The following TIGAR variants were observed in gnomAD, a reference collection of about 807,000 sequenced individuals.
The protein encoded by TIGAR is fructose-2,6-bisphosphatase TIGAR.
A neutral mutation model predicts 17.9 loss-of-function variants in TIGAR; 7 were observed. That is an observed-to-expected ratio of 0.39 (90% CI 0.22 to 0.73). The LOEUF is 0.73. Ranked by LOEUF, TIGAR falls within the 30% of genes least tolerant of loss-of-function variation. The pLI is 0.42. For synonymous variants in TIGAR, 94 were observed against 108.6 expected (o/e 0.87, Z 0.84); for missense variants, 258 against 327.4 (o/e 0.79, Z 1.64).
At chr12:4,346,661 G>A (rs1158930096) in intron 3 of TIGAR, among the ~76,000 whole-genome samples, 1 of 151,994 alleles carries the variant, frequency 6.6e-6, no homozygotes. Context: ...TGTAAATGGC[G>A]AGTTAATGGA....
At chr12:4,340,841 A>G (rs1864711835) in intron 3 of TIGAR, among the ~76,000 whole-genome samples, 1 of 152,250 alleles carries the variant, frequency 6.6e-6, no homozygotes, top group African/African-American at 2.4e-5. Context: ...ATCCATATAC[A>G]GAAGAATGAA....
In TIGAR at chr12:4,359,358, T is replaced by A. The variant is rs1402194587; in HGVS notation, c.*6667T>A. ...TCTGGTGACATAATCTCATCCTTCT[T>A]TAAGTACTTTCTTTCTGGTATTAAC... is the stretch of plus-strand genomic sequence containing the variant. On this transcript the variant is annotated 3_prime_UTR_variant, in exon 6 of 6. Transcript: ENST00000179259. Among the ~76,000 whole-genome samples, 1 of 152,142 alleles carries A rather than the reference T, an allele frequency of 6.6e-6. No individual in the cohort carries two copies. Among genetic ancestry groups the A allele is most frequent in the Non-Finnish European group, 1.5e-5 (1 of 68,020 alleles).
At chr12:4,325,524 T>C (rs533970730) in intron 1 of TIGAR, among the ~76,000 whole-genome samples, 3 of 151,860 alleles carry the variant, frequency 2.0e-5, no homozygotes, top group Non-Finnish European at 4.4e-5. Context: ...GTGGATCACC[T>C]GAGGCCGGGA....
Position 4,352,767 on chromosome 12 carries a change from C to G in TIGAR, c.*76C>G, listed in dbSNP as rs1864851533. 1 of 1,408,744 alleles carries G rather than the reference C, an allele frequency of 7.1e-7. No individual in the cohort carries two copies. The highest frequency in any genetic ancestry group is 2.3e-5 in the Admixed American group (1 of 42,592). 87.3% of individuals were successfully genotyped at this position (1,408,744 alleles called of 1,614,324 possible). On this transcript the variant is annotated 3_prime_UTR_variant, in exon 6 of 6. Coordinates refer to ENST00000179259, the MANE Select transcript of TIGAR (RefSeq NM_020375.3). ...CATTGGCTTTATTTACTTCTCTCCT[C>G]TGCTAGTTCTGATTTGGAAACAGTT...
At position 4,338,242 on chromosome 12, in the gene TIGAR, A is replaced by G. The variant is rs549334729; in HGVS notation, c.192+1082A>G. 4.6e-5 allele frequency among the ~76,000 whole-genome samples: 7 copies of G among 152,352 alleles called. No individual in the cohort carries two copies. The East Asian group carries it at 1.3e-3, about 29-fold the overall frequency. ...GTATTGTTGGAATTTCATCTCCCCT[A>G]TAAACAATTAGAAAATGTGGCAAAA... On this transcript the variant is annotated intron_variant, in intron 3 of 5. Transcript: ENST00000179259.
intron 2 of TIGAR, among the ~76,000 whole-genome samples, chr12:4,334,575 A>G (rs1864638514): frequency 6.6e-6 from 1 of 152,184 alleles, no homozygotes. Flanking sequence ...TAATTGCTTG[A>G]GGTAGACATT....
intron 1 of TIGAR, among the ~76,000 whole-genome samples, chr12:4,326,933 G>A (rs185107481): frequency 1.3e-4 from 20 of 152,234 alleles, no homozygotes; most frequent in African/African-American, 4.6e-4. Context: ...TTCAAAATGA[G>A]GGTGCTTCTT....
chr12:4,351,517 C>A lies in TIGAR; in HGVS notation c.381+140C>A, dbSNP rs543504307. Reference sequence around the variant, plus strand: ...TTATCTATTTACTTAGCAAATTATTCTTTTCTATTTAAAATCTTATTTACT... The same window carrying A: ...TTATCTATTTACTTAGCAAATTATTATTTTCTATTTAAAATCTTATTTACT... On this transcript the variant is annotated intron_variant, in intron 5 of 5. Coordinates refer to ENST00000179259, the MANE Select transcript of TIGAR (RefSeq NM_020375.3). The A allele has an allele frequency of 1.2e-5, 8 of 659,630 alleles. No homozygotes were observed. The East Asian group carries it at 2.0e-4, about 16-fold the overall frequency. 40.9% of individuals were successfully genotyped at this position (659,630 alleles called of 1,614,324 possible).
rs1185138253 is a variant in TIGAR at position 4,350,787 on chromosome 12, AAAAG to A, written c.271-476_271-473del. On this transcript the variant is annotated intron_variant, in intron 4 of 5. Coordinates refer to ENST00000179259, the MANE Select transcript of TIGAR (RefSeq NM_020375.3). ...GCGAGATTCCGTCTCAAAAAAAAAA[AAAAG>A]AAAAAAAAAGAAATAGATCTCTCAT... 2.0e-5 allele frequency among the ~76,000 whole-genome samples: 3 copies of A among 151,980 alleles called. No individual in the cohort carries two copies. The East Asian group carries it at 5.8e-4, about 29-fold the overall frequency.
chr12:4,334,532 G>T (rs541922519), intron 2 of TIGAR, among the ~76,000 whole-genome samples: 18 of 152,138 alleles, frequency 1.2e-4, no homozygotes, highest in Non-Finnish European at 2.6e-4. Flanking sequence ...AAAATACAAA[G>T]AACTTGTCTA....
rs760327388 is a variant in TIGAR, at chr12:4,351,407, T to A, written c.381+30T>A. On this transcript the variant is annotated intron_variant, in intron 5 of 5. Coordinates refer to ENST00000179259, the MANE Select transcript of TIGAR (RefSeq NM_020375.3). ...GTGGCGCTGCCGATGTCAGAATGGT[T>A]GAATTAAGACTCAAAATTAGATGTT... is the stretch of plus-strand genomic sequence containing the variant. The A allele has an allele frequency of 3.2e-6, 5 of 1,575,516 alleles. No homozygotes were observed. In the African/African-American group the frequency reaches 6.8e-5, roughly 21 times the overall value.
chr12:4,346,896 A>G (rs1397311235), intron 3 of TIGAR, among the ~76,000 whole-genome samples: 3 of 152,200 alleles, frequency 2.0e-5, no homozygotes, highest in African/African-American at 7.2e-5. Context: ...GACAGGCAAT[A>G]ACACATGCAG....
chr12:4,353,709 C>T lies in TIGAR; in HGVS notation c.*1018C>T, dbSNP rs893485145. Reference sequence around the variant, plus strand: ...AAAAGCCAGGCGTGGTAGCAGGCGCCTGTAATCCCAGCTACTTGGGAGGTT... The same window carrying T: ...AAAAGCCAGGCGTGGTAGCAGGCGCTTGTAATCCCAGCTACTTGGGAGGTT... On this transcript the variant is annotated 3_prime_UTR_variant, in exon 6 of 6. Transcript: ENST00000179259. The T allele has an allele frequency of 6.6e-6, 1 of 152,550 alleles. No individual in the cohort carries two copies. The highest frequency in any genetic ancestry group is 2.4e-5 in the African/African-American group (1 of 41,440). The allele number at this position is 152,550 out of a possible 1,614,324, so 9.4% of individuals were successfully genotyped here.
At chr12:4,325,771 A>G (rs1261616071) in intron 1 of TIGAR, among the ~76,000 whole-genome samples, 1 of 151,520 alleles carries the variant, frequency 6.6e-6, no homozygotes, top group Non-Finnish European at 1.5e-5. Flanking sequence ...AAAGACCACC[A>G]AAAGTCTTGT....
intron 3 of TIGAR, among the ~76,000 whole-genome samples, chr12:4,345,823 A>C (rs1166785746): frequency 6.6e-6 from 1 of 152,226 alleles, no homozygotes; most frequent in Non-Finnish European, 1.5e-5. Flanking sequence ...TGAACAGGCA[A>C]CCTACAGAAT....
At chr12:4,342,502 C>T (rs561638488) in intron 3 of TIGAR, among the ~76,000 whole-genome samples, 176 of 152,242 alleles carry the variant, frequency 1.2e-3, no homozygotes, top group Non-Finnish European at 2.0e-3. Context: ...TCAGGTTACC[C>T]ACAAAGGGAA....
chr12:4,340,873 A>G (rs1565448584), intron 3 of TIGAR, among the ~76,000 whole-genome samples: 2 of 152,216 alleles, frequency 1.3e-5, no homozygotes, highest in Non-Finnish European at 2.9e-5. Flanking sequence ...GTCTTTCTCC[A>G]TATACAAATA....
intron 1 of TIGAR, among the ~76,000 whole-genome samples, chr12:4,323,093 TC>T (rs1864499171): frequency 7.3e-6 from 1 of 137,066 alleles, no homozygotes; most frequent in Non-Finnish European, 1.6e-5. Flanking sequence ...TGGTGAAACC[TC>T]CTCTCTACAA....
intron 1 of TIGAR, among the ~76,000 whole-genome samples, chr12:4,328,056 G>C (rs894514375): frequency 6.6e-6 from 1 of 152,152 alleles, no homozygotes; most frequent in Non-Finnish European, 1.5e-5. Flanking sequence ...CCAATACATG[G>C]TAACTATTTT....
Sources: allele counts gnomAD v4.1 joint callset (sites outside exome capture counted in the v4.1 genomes callset), GRCh38; gene constraint gnomAD v4.1.1; transcripts MANE v1.5; gene names NCBI Gene and HGNC (gene_info 2026-07-23, HGNC 2026-07-21).